Variants in STXBP5L observed in about 807,000 individuals in gnomAD.
The protein encoded by STXBP5L is syntaxin binding protein 5L.
STXBP5L carries 65 observed loss-of-function variants against 144.5 expected under a neutral mutation model. The ratio of observed to expected loss-of-function variants is 0.45; its 90% CI spans 0.37 to 0.55. STXBP5L has a LOEUF of 0.55. STXBP5L is among the 20% of genes least tolerant of loss of function. STXBP5L has a pLI of 0.00. For synonymous variants in STXBP5L, 505 were observed against 469.6 expected (o/e 1.08, Z -0.97); for missense variants, 1,298 against 1,405.5 (o/e 0.92, Z 1.22).
chr3:121,052,017 C>G (rs1195050969), intron 5 of STXBP5L, among the ~76,000 whole-genome samples: 9 of 152,124 alleles, frequency 5.9e-5, no homozygotes, highest in African/African-American at 1.4e-4. Flanking sequence ...TACACCCTCC[C>G]AAGACTAAAC....
At chr3:121,001,586 G>T (rs1431492398) in intron 3 of STXBP5L, among the ~76,000 whole-genome samples, 1 of 152,136 alleles carries the variant, frequency 6.6e-6, no homozygotes, top group East Asian at 1.9e-4. Flanking sequence ...CTCCCACTTG[G>T]AGCTCATGGA....
intron 10 of STXBP5L, among the ~76,000 whole-genome samples, chr3:121,215,022 AC>A (rs1241782079): frequency 1.4e-5 from 2 of 146,556 alleles, no homozygotes; most frequent in African/African-American, 5.0e-5. Context: ...TAGGATTGCA[AC>A]CCCTGCTTTT....
intron 7 of STXBP5L, among the ~76,000 whole-genome samples, chr3:121,148,174 T>C (rs1182184691): frequency 1.3e-5 from 2 of 152,016 alleles, no homozygotes; most frequent in African/African-American, 2.4e-5. Flanking sequence ...AGAGCGGAAA[T>C]TAAAAGAATA....
intron 3 of STXBP5L, among the ~76,000 whole-genome samples, chr3:121,041,237 C>G (rs762645785): frequency 6.6e-6 from 1 of 151,812 alleles, no homozygotes; most frequent in African/African-American, 2.4e-5. Context: ...ATATATCAGT[C>G]TATTTCTTTA....
At chr3:120,917,797 T>A (rs1392024345) in intron 2 of STXBP5L, among the ~76,000 whole-genome samples, 1 of 152,254 alleles carries the variant, frequency 6.6e-6, no homozygotes, top group African/African-American at 2.4e-5. Context: ...TCATTTGAAT[T>A]CTCAGTGAAA....
intron 7 of STXBP5L, among the ~76,000 whole-genome samples, chr3:121,138,696 G>T (rs2045365391): frequency 6.6e-6 from 1 of 152,006 alleles, no homozygotes. Context: ...TGGGAAAACT[G>T]TATATGCATA....
At chr3:121,014,464 T>G (rs1247298454) in intron 3 of STXBP5L, among the ~76,000 whole-genome samples, 1 of 152,030 alleles carries the variant, frequency 6.6e-6, no homozygotes, top group African/African-American at 2.4e-5. Context: ...GATTTAATCT[T>G]GTAGTTCAAG....
chr3:121,118,909 T>C (rs1003527994), intron 6 of STXBP5L, among the ~76,000 whole-genome samples: 13 of 151,566 alleles, frequency 8.6e-5, no homozygotes, highest in African/African-American at 2.9e-4. Flanking sequence ...GAATTGTATG[T>C]GTTTATAAGA....
intron 3 of STXBP5L, among the ~76,000 whole-genome samples, chr3:120,993,315 T>C (rs996266759): frequency 1.3e-5 from 2 of 152,160 alleles, no homozygotes; most frequent in Non-Finnish European, 2.9e-5. Flanking sequence ...TTCAATTTAA[T>C]ACCATCTTAT....
intron 20 of STXBP5L, among the ~76,000 whole-genome samples, chr3:121,360,304 T>G (rs760839667): frequency 1.3e-5 from 2 of 151,828 alleles, no homozygotes; most frequent in Non-Finnish European, 2.9e-5. Context: ...ATAGGTGAAG[T>G]GTTTTCTTGT....
chr3:120,993,084 C>A (rs1018488062), intron 3 of STXBP5L, among the ~76,000 whole-genome samples: 2 of 151,922 alleles, frequency 1.3e-5, no homozygotes, highest in Non-Finnish European at 2.9e-5. Context: ...GCCTTTTGAC[C>A]ATTTGTATGT....
At chr3:120,984,240 T>G (rs1413305916) in intron 3 of STXBP5L, among the ~76,000 whole-genome samples, 1 of 152,222 alleles carries the variant, frequency 6.6e-6, no homozygotes, top group East Asian at 1.9e-4. Context: ...GCTTGGGGGA[T>G]AGGCTGATGG....
Position 121,157,496 on chromosome 3 carries a change from T to C in STXBP5L, c.754-8T>C. The C allele has an allele frequency of 6.4e-7, 1 of 1,563,580 alleles. No homozygotes were observed. The highest frequency in any genetic ancestry group is 8.6e-7 in the Non-Finnish European group (1 of 1,162,884). On this transcript the variant is annotated splice_polypyrimidine_tract_variant and splice_region_variant and intron_variant, in intron 8 of 26. Transcript: ENST00000471454. ...CCCCTCTACTTGTTTTAATTGTTAT[T>C]TTATTAGGCTATTCATTCAATTGAT...
At chr3:121,086,081 A>G (rs2042477019) in intron 5 of STXBP5L, among the ~76,000 whole-genome samples, 1 of 152,162 alleles carries the variant, frequency 6.6e-6, no homozygotes, top group South Asian at 2.1e-4. Context: ...CTATTTAATA[A>G]ATGTTGCTGG....
intron 5 of STXBP5L, chr3:121,099,859 C>G (rs932187157): frequency 6.6e-6 from 1 of 152,034 alleles, no homozygotes; most frequent in East Asian, 1.9e-4. Flanking sequence ...TTCAAGAGAC[C>G]CATTGCACAC....
At chr3:121,342,200 T>G (rs1265692530) in intron 20 of STXBP5L, among the ~76,000 whole-genome samples, 1 of 152,086 alleles carries the variant, frequency 6.6e-6, no homozygotes, top group Non-Finnish European at 1.5e-5. Context: ...CCCTTGCTGT[T>G]CAAGGATCAA....
At chr3:120,989,916 C>G (rs908191937) in intron 3 of STXBP5L, among the ~76,000 whole-genome samples, 1 of 152,178 alleles carries the variant, frequency 6.6e-6, no homozygotes, top group South Asian at 2.1e-4. Context: ...GATGCCCTCT[C>G]TCACCACTTC....
At chr3:121,185,779 G>A (rs918998022) in intron 9 of STXBP5L, among the ~76,000 whole-genome samples, 19 of 151,968 alleles carry the variant, frequency 1.3e-4, no homozygotes, top group Non-Finnish European at 2.4e-4. Context: ...TTGGCAATGT[G>A]GGCCCTTTTT....
intron 14 of STXBP5L, among the ~76,000 whole-genome samples, chr3:121,249,160 A>G (rs1430526012): frequency 6.6e-6 from 1 of 151,676 alleles, no homozygotes; most frequent in Non-Finnish European, 1.5e-5. Flanking sequence ...TTTTTTTTCT[A>G]CTTCTGTGAG....
Sources: gnomAD v4.1 joint callset for allele counts (sites outside exome capture counted in the v4.1 genomes callset) on GRCh38, gnomAD v4.1.1 for gene constraint, MANE v1.5 for transcripts, NCBI Gene and HGNC (gene_info 2026-07-23, HGNC 2026-07-21) for gene names.